Variants in SUSD1 observed in about 807,000 individuals in gnomAD.
SUSD1 encodes the protein sushi domain containing 1.
In SUSD1, 65 loss-of-function variants were observed where a neutral mutation model predicts 86.9. The observed-to-expected ratio is 0.75, with a 90% CI of 0.61 to 0.92. The LOEUF is 0.92. Ranked by LOEUF, SUSD1 falls within the 40% of genes least tolerant of loss-of-function variation. The pLI, the probability that SUSD1 is intolerant of heterozygous loss-of-function variation, is 0.00. For synonymous variants in SUSD1, 346 were observed against 350.0 expected (o/e 0.99, Z 0.13); for missense variants, 850 against 929.7 (o/e 0.91, Z 1.11).
At chr9:112,125,813 T>C (rs544430355) in intron 5 of SUSD1, among the ~76,000 whole-genome samples, 1 of 152,328 alleles carries the variant, frequency 6.6e-6, no homozygotes, top group Admixed American at 6.5e-5. Context: ...TGATACAGAA[T>C]GTGTGGATTT....
chr9:112,149,329 C>G lies in SUSD1; in HGVS notation c.288G>C (p.Gly96=), dbSNP rs1414457079. The change falls in exon 3 of 17, where the codon GGG becomes GGC. Residue 96 remains glycine, a synonymous_variant. Transcript: ENST00000374270. The part of the protein sequence containing the change: ...GNHTSCHNTP[G]GFYCICLEGY... ...CTTCCAGGCAAATGCAATAGAAGCC[C>G]CCGGGGGTGTTGTGGCAAGATGTGT... 2 of 1,613,998 alleles carry G rather than the reference C, an allele frequency of 1.2e-6. No homozygotes were observed. The highest frequency in any genetic ancestry group is 1.1e-5 in the South Asian group (1 of 91,082).
Position 112,102,237 on chromosome 9 carries a change from T to C in SUSD1, c.1220A>G (p.Asn407Ser), listed in dbSNP as rs752435087. The stretch of plus-strand genomic sequence containing the variant: ...CCTGTTCAATTTCAAACAAGTTTCA[T>C]TAAATATTGAAATATTGAAACTTCC... ...DDGSFNISIFNETCLKLNRRS... is the reference protein window; with the variant it reads ...DDGSFNISIFSETCLKLNRRS... The change falls in exon 9 of 17, where the codon AAT becomes AGT. Residue 407 changes from asparagine to serine, a missense_variant. Physicochemically the swap from Asn to Ser is conservative, Grantham distance 46. Transcript: ENST00000374270. 9 of 1,603,636 alleles carry C rather than the reference T, an allele frequency of 5.6e-6. No individual in the cohort carries two copies. Among genetic ancestry groups the C allele is most frequent in the South Asian group, 1.1e-5 (1 of 89,216 alleles).
chr9:112,108,114 G>C (rs1316756043), intron 8 of SUSD1, among the ~76,000 whole-genome samples: 1 of 152,130 alleles, frequency 6.6e-6, no homozygotes, highest in Non-Finnish European at 1.5e-5. Flanking sequence ...TGTATACAAT[G>C]CTTGTAATTA....
chr9:112,072,382 T>C (rs916752893), intron 12 of SUSD1, among the ~76,000 whole-genome samples: 2 of 152,032 alleles, frequency 1.3e-5, no homozygotes, highest in African/African-American at 4.8e-5. Context: ...CTCACCCACC[T>C]CAGCTTCCAA....
At chr9:112,063,366 G>T (rs1444222863) in intron 12 of SUSD1, among the ~76,000 whole-genome samples, 1 of 152,154 alleles carries the variant, frequency 6.6e-6, no homozygotes, top group Non-Finnish European at 1.5e-5. Flanking sequence ...AAAAAATTTT[G>T]GAAATACACA....
intron 8 of SUSD1, 125 bp downstream of exon 8, chr9:112,111,529 T>C: frequency 7.9e-7 from 1 of 1,273,752 alleles, no homozygotes; most frequent in East Asian, 2.4e-5. Context: ...CTGGAGCAAC[T>C]ACATCTGAGT....
Position 112,175,260 on chromosome 9 carries a change from G to A in SUSD1, c.-25C>T. ...TGCCGCCGCCGGTCCCTCCCGGCGC[G>A]CCCGCGCCTCCTCCCGGGGCCCTCA... On this transcript the variant is annotated 5_prime_UTR_variant, in exon 1 of 17. Coordinates refer to ENST00000374270, the MANE Select transcript of SUSD1 (RefSeq NM_022486.5). The surrounding 1 kb of genome is among the most constrained non-coding windows in gnomAD (Gnocchi z 4.7). 1.8e-6 allele frequency: 2 copies of A among 1,141,214 alleles called. No individual in the cohort carries two copies. Among genetic ancestry groups the A allele is most frequent in the Non-Finnish European group, 1.1e-6 (1 of 930,100 alleles). 70.7% of individuals were successfully genotyped at this position (1,141,214 alleles called of 1,614,324 possible). A position where few individuals can be genotyped will look rare whatever the true frequency, so the allele number is the denominator to read the frequency against.
intron 6 of SUSD1, 94 bp downstream of exon 6, chr9:112,124,163 T>A (rs766312957): frequency 1.5e-4 from 192 of 1,304,764 alleles, no homozygotes; most frequent in Non-Finnish European, 1.9e-4. Flanking sequence ...GGGTACAGTA[T>A]GTAGAGTGAA....
chr9:112,098,357 C>A, intron 10 of SUSD1, 113 bp downstream of exon 10: 2 of 1,080,992 alleles, frequency 1.9e-6, no homozygotes, highest in Non-Finnish European at 2.7e-6. Context: ...TTTGTTAGAA[C>A]TGGAACCCCT....
At chr9:112,063,669 T>C (rs1030156485) in intron 12 of SUSD1, among the ~76,000 whole-genome samples, 1 of 148,468 alleles carries the variant, frequency 6.7e-6, no homozygotes, top group African/African-American at 2.6e-5. Context: ...CGGAGGAAAC[T>C]ACACTGACTG....
Position 112,041,946 on chromosome 9 carries a change from G to A in SUSD1, c.2164C>T (p.Leu722=). 1 of 1,613,976 alleles carries A rather than the reference G, an allele frequency of 6.2e-7. No individual in the cohort carries two copies. The highest frequency in any genetic ancestry group is 1.1e-5 in the South Asian group (1 of 91,056). Residue 722 remains leucine, a synonymous_variant, in exon 16 of 17, where the codon CTG becomes TTG. Coordinates refer to ENST00000374270, the MANE Select transcript of SUSD1 (RefSeq NM_022486.5). The part of the protein sequence containing the change: ...WAQVKDSSLM[L]LQMAGVGLGS... The stretch of plus-strand genomic sequence containing the variant: ...AGTCCAACACCCGCCATCTGCAGCA[G>A]CATGAGTGACGAATCTGTGGGACAA...
At position 112,111,822 on chromosome 9, in the gene SUSD1, G is replaced by C. The variant is rs747833554; in HGVS notation, c.1003C>G (p.Arg335Gly). 2 of 1,613,764 alleles carry C rather than the reference G, an allele frequency of 1.2e-6. No homozygotes were observed. Among genetic ancestry groups the C allele is most frequent in the African/African-American group, 1.3e-5 (1 of 74,890 alleles). The change falls in exon 8 of 17, where the codon CGG becomes GGG. Residue 335 changes from arginine to glycine, a missense_variant. By Grantham distance (125) the Arg-to-Gly change is moderately radical. Transcript: ENST00000374270. ...CGAACTGATTCCATAGGGTCCAACC[G>C]TTGTCCTTTTATGGATATCTTTGAG... ...ISYVISIKGQRLDPMESVREE... is the reference protein window; with the variant it reads ...ISYVISIKGQGLDPMESVREE...
chr9:112,097,812 C>T (rs536944032), intron 10 of SUSD1, among the ~76,000 whole-genome samples: 1 of 152,254 alleles, frequency 6.6e-6, no homozygotes, highest in South Asian at 2.1e-4. Context: ...TCTTCTGCTG[C>T]TTTCCTTCAA....
At chr9:112,149,584 G>A (rs532569788) in intron 2 of SUSD1, among the ~76,000 whole-genome samples, 185 bp from the exon 3 acceptor site, 1 of 152,312 alleles carries the variant, frequency 6.6e-6, no homozygotes, top group South Asian at 2.1e-4. Flanking sequence ...GCCCCTCGTA[G>A]TTATGTGCCA....
At chr9:112,136,892 T>C (rs531269111) in intron 5 of SUSD1, among the ~76,000 whole-genome samples, 1 of 152,294 alleles carries the variant, frequency 6.6e-6, no homozygotes, top group South Asian at 2.1e-4. Context: ...TGAATACCCT[T>C]CTGGCCGGGT....
intron 5 of SUSD1, among the ~76,000 whole-genome samples, chr9:112,129,345 T>A (rs1831917119): frequency 6.6e-6 from 1 of 152,136 alleles, no homozygotes; most frequent in Non-Finnish European, 1.5e-5. Flanking sequence ...AGGGCCTTAC[T>A]CCTGTCGCCA....
intron 5 of SUSD1, among the ~76,000 whole-genome samples, chr9:112,126,796 A>T (rs1831794639): frequency 6.6e-6 from 1 of 152,128 alleles, no homozygotes. Context: ...TCAAATTTCT[A>T]CAAAGCTCCA....
intron 5 of SUSD1, among the ~76,000 whole-genome samples, chr9:112,138,512 G>C (rs937066300): frequency 6.7e-6 from 1 of 148,232 alleles, no homozygotes; most frequent in African/African-American, 2.5e-5. Context: ...AGGTTGGAGT[G>C]CAGTGGCACA....
chr9:112,052,928 C>T lies in SUSD1; in HGVS notation c.2110-490G>A, dbSNP rs558427349. Among the ~76,000 whole-genome samples, 9 of 152,088 alleles carry T rather than the reference C, an allele frequency of 5.9e-5. No individual in the cohort carries two copies. The East Asian group carries it at 1.5e-3, about 26-fold the overall frequency. On this transcript the variant is annotated intron_variant, in intron 14 of 16. Coordinates refer to ENST00000374270, the MANE Select transcript of SUSD1 (RefSeq NM_022486.5). ...AGTTACCCAAAATGTGTCCATGAAC[C>T]GGGAAGAAAGCAACAGGAACATATA...
Sources: gnomAD v4.1 joint callset for allele counts (sites outside exome capture counted in the v4.1 genomes callset) on GRCh38, gnomAD v4.1.1 for gene constraint, Gnocchi (gnomAD v3.1) non-coding constraint, MANE v1.5 for transcripts, NCBI Gene and HGNC (gene_info 2026-07-23, HGNC 2026-07-21) for gene names.